Variants in ANGPT1 observed in about 807,000 individuals in gnomAD.
ANGPT1 encodes the protein angiopoietin 1.
A neutral mutation model predicts 62.2 loss-of-function variants in ANGPT1; 17 were observed. That is an observed-to-expected ratio of 0.27 (90% confidence interval 0.19 to 0.41). ANGPT1 has a LOEUF of 0.41. Among genes scored for constraint, ANGPT1 ranks in the 10% least tolerant of loss-of-function variants. The pLI, the probability that ANGPT1 is intolerant of heterozygous loss-of-function variation, is 1.00. For synonymous variants in ANGPT1, 199 were observed against 198.9 expected, an observed-to-expected ratio of 1.00 and a Z score of 0.00; for missense variants, 478 against 594.9, an observed-to-expected ratio of 0.80 and a Z score of 2.04.
intron 8 of ANGPT1, among the ~76,000 whole-genome samples, chr8:107,258,016 A>C (rs889443916): frequency 6.0e-5 from 9 of 149,286 alleles, no homozygotes; most frequent in Non-Finnish European, 1.3e-4. Flanking sequence ...TCTAAAGATG[A>C]AAAGTTGTTT....
intron 4 of ANGPT1, among the ~76,000 whole-genome samples, chr8:107,313,218 C>T (rs1814919424): frequency 6.6e-6 from 1 of 152,012 alleles, no homozygotes; most frequent in Non-Finnish European, 1.5e-5. Flanking sequence ...GATAATCTGA[C>T]TTATTCATAA....
intron 7 of ANGPT1, among the ~76,000 whole-genome samples, chr8:107,269,698 A>G (rs1813694827): frequency 6.6e-6 from 1 of 152,046 alleles, no homozygotes; most frequent in South Asian, 2.1e-4. Context: ...GACAGACATA[A>G]GGAAGCTGTG....
intron 1 of ANGPT1, among the ~76,000 whole-genome samples, chr8:107,400,692 T>C (rs1483338729): frequency 6.6e-6 from 1 of 151,948 alleles, no homozygotes; most frequent in Non-Finnish European, 1.5e-5. Context: ...CCTGGGTAGC[T>C]GGGACTACAG....
chr8:107,339,383 G>A (rs1267031802), intron 2 of ANGPT1, among the ~76,000 whole-genome samples: 1 of 152,096 alleles, frequency 6.6e-6, no homozygotes, highest in African/African-American at 2.4e-5. Flanking sequence ...CAACTACACA[G>A]TCTTCTTTCT....
chr8:107,422,735 C>T (rs1810923735), intron 1 of ANGPT1, among the ~76,000 whole-genome samples: 1 of 152,190 alleles, frequency 6.6e-6, no homozygotes, highest in Non-Finnish European at 1.5e-5. Context: ...CATTCAGTCT[C>T]ATTTAAACTT....
chr8:107,296,101 C>T (rs1814408562), intron 5 of ANGPT1, among the ~76,000 whole-genome samples: 1 of 152,018 alleles, frequency 6.6e-6, no homozygotes, highest in Admixed American at 6.6e-5. Context: ...TGGGAATAAT[C>T]TGCTTAAAAG....
At chr8:107,395,348 A>G (rs1323943931) in intron 1 of ANGPT1, among the ~76,000 whole-genome samples, 1 of 152,180 alleles carries the variant, frequency 6.6e-6, no homozygotes, top group East Asian at 1.9e-4. Context: ...CGAGGTATTT[A>G]TATCACCTTG....
intron 8 of ANGPT1, among the ~76,000 whole-genome samples, chr8:107,262,053 G>A (rs1813504636): frequency 6.6e-6 from 1 of 152,086 alleles, no homozygotes; most frequent in East Asian, 1.9e-4. Context: ...AAATTAGCCA[G>A]GCATGGTGGC....
chr8:107,386,274 A>G (rs919381988), intron 1 of ANGPT1, among the ~76,000 whole-genome samples: 1 of 152,162 alleles, frequency 6.6e-6, no homozygotes, highest in African/African-American at 2.4e-5. Flanking sequence ...AGAATTGAAA[A>G]ACTAGCTCTC....
intron 1 of ANGPT1, among the ~76,000 whole-genome samples, chr8:107,360,447 G>A (rs28554015): frequency 0.01 from 1,574 of 152,188 alleles, 36 homozygotes; most frequent in African/African-American, 0.035. Flanking sequence ...TTTGATGCCC[G>A]GGTCACTCTC....
intron 1 of ANGPT1, among the ~76,000 whole-genome samples, chr8:107,447,380 T>C (rs894318146): frequency 2.0e-5 from 3 of 152,226 alleles, no homozygotes; most frequent in Non-Finnish European, 2.9e-5. Flanking sequence ...TCATGCCTTC[T>C]GCCATGTGAA....
chr8:107,336,039 A>T, intron 3 of ANGPT1, 111 bp downstream of exon 3: 1 of 1,043,330 alleles, frequency 9.6e-7, no homozygotes, highest in Non-Finnish European at 1.3e-6. Flanking sequence ...ATTTGGCTCT[A>T]TATTTCATTT....
At chr8:107,431,755 A>C (rs1360548187) in intron 1 of ANGPT1, among the ~76,000 whole-genome samples, 6 of 151,796 alleles carry the variant, frequency 4.0e-5, no homozygotes, top group Non-Finnish European at 8.8e-5. Context: ...TTATCATCAA[A>C]GTATCATGCT....
intron 2 of ANGPT1, among the ~76,000 whole-genome samples, chr8:107,345,231 T>C (rs1815778871): frequency 6.6e-6 from 1 of 152,224 alleles, no homozygotes; most frequent in African/African-American, 2.4e-5. Flanking sequence ...TAAACTTTCA[T>C]TGGTCTTTGA....
chr8:107,301,304 TCTAGTGGAA>T (rs1395356798), intron 5 of ANGPT1, among the ~76,000 whole-genome samples: 1 of 151,966 alleles, frequency 6.6e-6, no homozygotes, highest in African/African-American at 2.4e-5. Context: ...GATTATAAGC[TCTAGTGGAA>T]CTGACAATAA....
chr8:107,284,398 T>C (rs150402816), intron 7 of ANGPT1: 2,356 of 198,160 alleles, frequency 0.012, 28 homozygotes, highest in Middle Eastern at 0.016. Context: ...ATGAATTCAC[T>C]GCAACTGCAT....
At chr8:107,254,359 C>A (rs1186201649) in intron 8 of ANGPT1, among the ~76,000 whole-genome samples, 1 of 151,902 alleles carries the variant, frequency 6.6e-6, no homozygotes, top group African/African-American at 2.4e-5. Flanking sequence ...AAACTCACTT[C>A]TAATGGGAGA....
chr8:107,271,150 T>C (rs1813724429), intron 7 of ANGPT1, among the ~76,000 whole-genome samples: 1 of 152,026 alleles, frequency 6.6e-6, no homozygotes, highest in Admixed American at 6.6e-5. Flanking sequence ...ACCACTTGTG[T>C]CTGGAAAGAC....
intron 1 of ANGPT1, among the ~76,000 whole-genome samples, chr8:107,409,436 C>T (rs976746850): frequency 3.3e-5 from 5 of 152,264 alleles, no homozygotes; most frequent in East Asian, 3.9e-4. Context: ...TGGACAGCCT[C>T]GCTCCAGGTC....
Sources: allele counts gnomAD v4.1 joint callset (sites outside exome capture counted in the v4.1 genomes callset), GRCh38; gene constraint gnomAD v4.1.1; transcripts MANE v1.5; gene names NCBI Gene and HGNC (gene_info 2026-07-23, HGNC 2026-07-21).